The following MTBP variants were observed in gnomAD, a reference collection of about 807,000 sequenced individuals.
MTBP encodes MDM2 binding protein, also known as mdm2-binding protein.
A neutral mutation model predicts 117.0 loss-of-function variants in MTBP; 101 were observed. The ratio of observed to expected loss-of-function variants is 0.86; its 90% CI spans 0.73 to 1.02. The LOEUF is 1.02. MTBP is among the 50% of genes least tolerant of loss of function. The probability of loss-of-function intolerance (pLI) is 0.00; values close to 1 mark genes in which losing one functional copy is unlikely to be tolerated. For synonymous variants in MTBP, 350 were observed against 351.5 expected (o/e 1.00, Z 0.05); for missense variants, 970 against 1,030.9 (o/e 0.94, Z 0.81).
intron 11 of MTBP, among the ~76,000 whole-genome samples, chr8:120,474,110 A>AT (rs996333589): frequency 3.3e-5 from 5 of 151,856 alleles, no homozygotes; most frequent in Admixed American, 2.6e-4. Context: ...GCTTGATTTG[A>AT]TTTTTTAAAA....
chr8:120,476,712 T>G (rs1264027944), intron 11 of MTBP, among the ~76,000 whole-genome samples: 5 of 152,086 alleles, frequency 3.3e-5, no homozygotes, highest in Non-Finnish European at 7.4e-5. Flanking sequence ...GAAGGACCTT[T>G]TCAAGGAGAA....
intron 2 of MTBP, 115 bp from the exon 3 acceptor site, chr8:120,450,888 T>G: frequency 1.5e-6 from 1 of 667,870 alleles, no homozygotes. Context: ...ATATGTATGT[T>G]GGATAATTAT....
chr8:120,516,418 T>C (rs942838945), intron 18 of MTBP, among the ~76,000 whole-genome samples: 10 of 152,094 alleles, frequency 6.6e-5, no homozygotes, highest in African/African-American at 1.7e-4. Context: ...CACAATGGAT[T>C]GTAAAGTTTT....
chr8:120,502,381 A>G, intron 14 of MTBP, 111 bp from the exon 15 acceptor site: 2 of 587,538 alleles, frequency 3.4e-6, no homozygotes, highest in African/African-American at 3.8e-5. Flanking sequence ...GTATGCCTTT[A>G]TAGACACACA....
At chr8:120,482,096 T>C (rs1814097607) in intron 11 of MTBP, among the ~76,000 whole-genome samples, 2 of 152,132 alleles carry the variant, frequency 1.3e-5, no homozygotes, top group African/African-American at 4.8e-5. Context: ...TGAAAATAAT[T>C]CAACCCAAAT....
intron 10 of MTBP, among the ~76,000 whole-genome samples, chr8:120,464,623 C>A (rs1213757297): frequency 6.6e-6 from 1 of 151,848 alleles, no homozygotes; most frequent in East Asian, 1.9e-4. Context: ...TGATTTTGAC[C>A]TTAAGATGTA....
intron 11 of MTBP, chr8:120,473,692 G>A (rs1813871858): frequency 2.0e-5 from 3 of 152,062 alleles, no homozygotes; most frequent in African/African-American, 7.2e-5. Context: ...AATAAGTGCA[G>A]CTTTTAACCC....
intron 8 of MTBP, 103 bp from the exon 9 acceptor site, chr8:120,461,058 T>C: frequency 4.0e-6 from 3 of 752,142 alleles, no homozygotes; most frequent in Non-Finnish European, 6.5e-6. Flanking sequence ...GTGTAAAAAG[T>C]TGCTTTTTAA....
intron 16 of MTBP, among the ~76,000 whole-genome samples, chr8:120,507,691 A>AT: frequency 6.6e-6 from 1 of 152,094 alleles, no homozygotes; most frequent in Admixed American, 6.6e-5. Context: ...CTGGAACATT[A>AT]TTGCTTTATG....
chr8:120,470,214 C>T (rs1485931287), intron 10 of MTBP, among the ~76,000 whole-genome samples: 2 of 152,060 alleles, frequency 1.3e-5, no homozygotes, highest in Non-Finnish European at 2.9e-5. Flanking sequence ...ATCTGTATCC[C>T]CAGCCCTGGC....
rs1197502515 is a variant in MTBP at position 120,497,513 on chromosome 8, TAAGA to T, written c.1573_1576del (p.Lys525TrpfsTer10). On this transcript the variant is annotated frameshift_variant, in exon 14 of 22. Coordinates refer to ENST00000305949, the MANE Select transcript of MTBP (RefSeq NM_022045.5). LOFTEE classifies it high-confidence loss of function. ...GATGCTGTGATTCCTAAAATGATTC[TAAGA>T]AAGATGGACAAAATTAAAACCTTCA... is the stretch of plus-strand genomic sequence containing the variant. The T allele has an allele frequency of 1.9e-6, 3 of 1,571,144 alleles. No individual in the cohort carries two copies. The South Asian group carries it at 3.5e-5, about 18-fold the overall frequency.
At chr8:120,480,625 A>AGGACATC (rs551221647) in intron 11 of MTBP, among the ~76,000 whole-genome samples, 68 of 152,332 alleles carry the variant, frequency 4.5e-4, no homozygotes, top group African/African-American at 1.4e-3. Flanking sequence ...TCAGATGCCA[A>AGGACATC]TGGCGAAAGG....
At chr8:120,449,093 C>T (rs979402843) in intron 2 of MTBP, among the ~76,000 whole-genome samples, 2 of 152,080 alleles carry the variant, frequency 1.3e-5, no homozygotes, top group African/African-American at 4.8e-5. Flanking sequence ...TATTTCTGTA[C>T]TGGGGGATTC....
Position 120,451,251 on chromosome 8 carries a change from A to C in MTBP, c.354A>C (p.Glu118Asp). Residue 118 changes from glutamate (E) to aspartate (D), a missense_variant, in exon 4 of 22, where the codon GAA becomes GAC. Physicochemically the swap from Glu to Asp is conservative, Grantham distance 45 (BLOSUM62 2). Transcript: ENST00000305949. ...KIEDVLQTNIEECLGAVECFE... is the reference protein window; with the variant it reads ...KIEDVLQTNIDECLGAVECFE... ...AAGATGTTCTTCAAACGAATATCGAAGAATGTTTGGGTGCTGTTGAGTGTT... is the reference window on the plus strand; with the variant it reads ...AAGATGTTCTTCAAACGAATATCGACGAATGTTTGGGTGCTGTTGAGTGTT... 14 of 1,612,656 alleles carry C rather than the reference A, an allele frequency of 8.7e-6. No individual in the cohort carries two copies. The highest frequency in any genetic ancestry group is 1.2e-5 in the Non-Finnish European group (14 of 1,179,026).
In MTBP at chr8:120,455,568, T is replaced by C. The variant is rs534729764; in HGVS notation, c.618T>C (p.Asn206=). The change falls in exon 6 of 22, where the codon AAT becomes AAC. Residue 206 remains asparagine, a synonymous_variant. Coordinates refer to ENST00000305949, the MANE Select transcript of MTBP (RefSeq NM_022045.5). The part of the protein sequence containing the change: ...WYSAKITIAG[N]HCEINCQKIA... The stretch of plus-strand genomic sequence containing the variant: ...CAGCAAAGATCACTATAGCAGGAAA[T>C]CATTGTGAAATGTAAGCTTCTTTGT... The C allele has an allele frequency of 6.2e-7, 1 of 1,608,516 alleles. No homozygotes were observed. The highest frequency in any genetic ancestry group is 2.2e-5 in the East Asian group (1 of 44,652).
At chr8:120,518,211 A>G (rs1451093286) in intron 19 of MTBP, 111 bp downstream of exon 19, 2 of 1,218,786 alleles carry the variant, frequency 1.6e-6, no homozygotes, top group East Asian at 2.6e-5. Context: ...AACGATGTCT[A>G]GAATTTACTG....
In MTBP at chr8:120,518,759, A is replaced by T. The variant is rs185224217; in HGVS notation, c.2552A>T (p.His851Leu). The T allele has an allele frequency of 3.1e-6, 5 of 1,612,144 alleles. No individual in the cohort carries two copies. The African/African-American group carries it at 6.7e-5, about 22-fold the overall frequency. The change falls in exon 20 of 22, where the codon CAT becomes CTT. Residue 851 changes from histidine to leucine, a missense_variant. His to Leu is a moderately conservative substitution (Grantham distance 99). Coordinates refer to ENST00000305949, the MANE Select transcript of MTBP (RefSeq NM_022045.5). ...TLKKHSITETHECFTACSQRL... is the reference protein window; with the variant it reads ...TLKKHSITETLECFTACSQRL... Reference sequence around the variant, plus strand: ...AAGAAACACAGTATTACCGAGACTCATGAATGTTTCACTGCATGCAGCCAG... The same window carrying T: ...AAGAAACACAGTATTACCGAGACTCTTGAATGTTTCACTGCATGCAGCCAG...
At chr8:120,493,333 T>C (rs1814385144) in intron 13 of MTBP, among the ~76,000 whole-genome samples, 1 of 152,180 alleles carries the variant, frequency 6.6e-6, no homozygotes, top group Non-Finnish European at 1.5e-5. Context: ...CTTGTAAACT[T>C]TATCTGTTTT....
intron 11 of MTBP, among the ~76,000 whole-genome samples, chr8:120,476,880 T>C (rs757331723): frequency 1.3e-5 from 2 of 152,198 alleles, no homozygotes; most frequent in Non-Finnish European, 1.5e-5. Context: ...ACTGACTTTC[T>C]TCACAGAATT....
Sources: allele counts gnomAD v4.1 joint callset (sites outside exome capture counted in the v4.1 genomes callset), GRCh38; gene constraint gnomAD v4.1.1; transcripts MANE v1.5; gene names NCBI Gene and HGNC (gene_info 2026-07-23, HGNC 2026-07-21).